PCDHGB2: variants seen among roughly 807,000 people sequenced by gnomAD.
PCDHGB2 encodes the protein protocadherin gamma-B2.
PCDHGB2 carries 55 observed loss-of-function variants against 59.3 expected under a neutral mutation model. That is an observed-to-expected ratio of 0.93 (90% CI 0.75 to 1.16). PCDHGB2 has a LOEUF of 1.16. Among genes scored for constraint, PCDHGB2 ranks in the 50% most tolerant of loss-of-function variants. The pLI, the probability that PCDHGB2 is intolerant of heterozygous loss-of-function variation, is 0.00. For synonymous variants in PCDHGB2, 516 were observed against 512.0 expected, an observed-to-expected ratio of 1.01 and a Z score of -0.11; for missense variants, 1,228 against 1,198.5, an observed-to-expected ratio of 1.02 and a Z score of -0.36.
intron 1 of PCDHGB2, among the ~76,000 whole-genome samples, chr5:141,368,532 G>A (rs768576370): frequency 6.6e-6 from 1 of 152,082 alleles, no homozygotes; most frequent in Non-Finnish European, 1.5e-5. Context: ...GTGAAAACTT[G>A]CTTTTCCATT....
chr5:141,371,872 C>A, intron 1 of PCDHGB2: 1 of 1,613,534 alleles, frequency 6.2e-7, no homozygotes, highest in Non-Finnish European at 8.5e-7. Context: ...TACATCGTGG[C>A]CAGTGACCTG....
At position 141,366,470 on chromosome 5, in the gene PCDHGB2, C is replaced by T. The variant is rs374198651; in HGVS notation, c.2421+3914C>T. 3.1e-6 allele frequency: 5 copies of T among 1,614,136 alleles called. No individual in the cohort carries two copies. In the African/African-American group the frequency reaches 6.7e-5, roughly 22 times the overall value. On this transcript the variant is annotated intron_variant, in intron 1 of 3. Transcript: ENST00000522605. ...GGCCTTCGTCATCGTGCTGCTGGTG[C>T]TCAGACTGAGGCGCTGGCACAAGTC...
intron 1 of PCDHGB2, 64 bp downstream of exon 1, chr5:141,362,620 T>C (rs763103959): frequency 1.0e-4 from 160 of 1,526,964 alleles, no homozygotes; most frequent in Non-Finnish European, 1.4e-4. Context: ...GGGTAGGAAG[T>C]TCCACTGCGT....
intron 1 of PCDHGB2, chr5:141,475,916 G>C (rs1396506642): frequency 1.7e-6 from 1 of 595,408 alleles, no homozygotes; most frequent in Non-Finnish European, 2.9e-6. Flanking sequence ...CAATGAAGAC[G>C]CTGGAGATCG....
intron 1 of PCDHGB2, among the ~76,000 whole-genome samples, chr5:141,407,220 A>G (rs569421185): frequency 6.6e-6 from 1 of 152,342 alleles, no homozygotes; most frequent in East Asian, 1.9e-4. Context: ...TTAAGTGGGT[A>G]GCAAAAAAAA....
At chr5:141,410,631 C>A (rs1227907799) in intron 1 of PCDHGB2, 1 of 1,600,936 alleles carries the variant, frequency 6.2e-7, no homozygotes, top group East Asian at 2.2e-5. Context: ...GTGAGTTTCT[C>A]TTTTTTGTGT....
At chr5:141,393,961 T>C (rs775398827) in intron 1 of PCDHGB2, 1 of 1,613,960 alleles carries the variant, frequency 6.2e-7, no homozygotes, top group South Asian at 1.1e-5. Flanking sequence ...GGTCAAGTTG[T>C]CTGTTACACA....
chr5:141,459,795 C>T (rs1394778891), intron 1 of PCDHGB2, among the ~76,000 whole-genome samples: 1 of 152,190 alleles, frequency 6.6e-6, no homozygotes, highest in Non-Finnish European at 1.5e-5. Flanking sequence ...AACTGTTTTT[C>T]CCTGTTGACT....
chr5:141,389,194 C>A (rs760691972), intron 1 of PCDHGB2: 15 of 1,613,922 alleles, frequency 9.3e-6, no homozygotes, highest in Non-Finnish European at 1.0e-5. Context: ...TCCAGCATCA[C>A]CCTGCACATT....
At chr5:141,421,267 C>A in intron 1 of PCDHGB2, 1 of 1,611,374 alleles carries the variant, frequency 6.2e-7, no homozygotes, top group South Asian at 1.1e-5. Flanking sequence ...CAGTCGGCTG[C>A]TGCTGCTGCT....
intron 1 of PCDHGB2, chr5:141,364,730 C>A: frequency 1.9e-6 from 3 of 1,613,838 alleles, no homozygotes; most frequent in South Asian, 1.1e-5. Flanking sequence ...CCCGCGTTTC[C>A]GGGATGAAGA....
chr5:141,380,347 T>G (rs1408007452), intron 1 of PCDHGB2, among the ~76,000 whole-genome samples: 1 of 152,204 alleles, frequency 6.6e-6, no homozygotes, highest in Non-Finnish European at 1.5e-5. Context: ...AACTGTTTTG[T>G]TGTTTGTTTT....
At chr5:141,458,921 C>T (rs1471065767) in intron 1 of PCDHGB2, among the ~76,000 whole-genome samples, 1 of 151,960 alleles carries the variant, frequency 6.6e-6, no homozygotes, top group East Asian at 1.9e-4. Flanking sequence ...TTTGTGGAGA[C>T]GGGGTCTCAC....
intron 2 of PCDHGB2, among the ~76,000 whole-genome samples, chr5:141,504,786 C>A (rs568185327): frequency 6.6e-6 from 1 of 152,014 alleles, no homozygotes; most frequent in South Asian, 2.1e-4. Context: ...TCTCTTGGGG[C>A]CTCCTACATC....
rs138456654 is a variant in PCDHGB2 at position 141,361,840 on chromosome 5, C to A, written c.1705C>A (p.Pro569Thr). Residue 569 changes from proline to threonine, a missense_variant, in exon 1 of 4, where the codon CCT (proline) becomes ACT (threonine). Around this residue, in one of 3 missense-constraint regions of PCDHGB2, gnomAD observed 781 missense variants for 721.6 expected, o/e 1.08. Transcript: ENST00000522605. ...ACGGGTGCTGTACCCCGCGCTGGGG[C>A]CTGATGGCTCCGCCCTCTTCGATAT... The part of the protein sequence containing the change: ...APRVLYPALG[P>T]DGSALFDMVP... 40,619 of 1,612,726 alleles carry A rather than the reference C, an allele frequency of 0.025. 619 individuals are homozygous for A. Among genetic ancestry groups the A allele is most frequent in the African/African-American group, 0.058 (4,370 of 75,010 alleles).
chr5:141,501,970 T>C (rs2099812082), intron 2 of PCDHGB2, among the ~76,000 whole-genome samples: 1 of 152,068 alleles, frequency 6.6e-6, no homozygotes. Flanking sequence ...TCCTAACCTC[T>C]GGCATCTGGT....
intron 1 of PCDHGB2, chr5:141,383,934 A>G (rs756515135): frequency 2.5e-6 from 4 of 1,613,944 alleles, no homozygotes; most frequent in Non-Finnish European, 3.4e-6. Flanking sequence ...ATAATGCTCC[A>G]GAAGTGACTA....
chr5:141,361,684 C>T lies in PCDHGB2; in HGVS notation c.1549C>T (p.Gln517Ter). The T allele has an allele frequency of 6.2e-7, 1 of 1,613,590 alleles. No individual in the cohort carries two copies. Among genetic ancestry groups the T allele is most frequent in the Non-Finnish European group, 8.5e-7 (1 of 1,179,906 alleles). Residue 517 changes from glutamine to a stop codon, truncating the protein, a stop_gained, in exon 1 of 4, where the codon CAG becomes TAG. Coordinates refer to ENST00000522605, the MANE Select transcript of PCDHGB2 (RefSeq NM_018923.3). LOFTEE classifies it high-confidence loss of function. ...VSAQSGVVFAQRAFDHEQLRA... is the reference protein window; with the variant it reads ...VSAQSGVVFA ...CGCGCAGAGCGGGGTGGTGTTCGCG[C>T]AGCGCGCCTTCGATCATGAGCAGCT...
chr5:141,478,376 C>T, intron 1 of PCDHGB2: 4 of 1,613,672 alleles, frequency 2.5e-6, no homozygotes, highest in Non-Finnish European at 3.4e-6. Flanking sequence ...CCTGATGTCG[C>T]CGCACCTTTA....
Sources: allele counts gnomAD v4.1 joint callset (sites outside exome capture counted in the v4.1 genomes callset), GRCh38; gene constraint gnomAD v4.1.1; regional missense constraint gnomAD v4.1.1; transcripts MANE v1.5; gene names NCBI Gene and HGNC (gene_info 2026-07-23, HGNC 2026-07-21).